Variants in ART3 observed in about 807,000 individuals in gnomAD.
The protein encoded by ART3 is ADP-ribosyltransferase 3 (inactive), also known as ecto-ADP-ribosyltransferase 3.
ART3 carries 49 observed loss-of-function variants against 48.5 expected under a neutral mutation model. The ratio of observed to expected loss-of-function variants is 1.01; its 90% CI spans 0.80 to 1.28. The LOEUF (loss-of-function observed/expected upper bound fraction) is 1.28. Among genes scored for constraint, ART3 ranks in the 50% most tolerant of loss-of-function variants. The pLI is 0.00. For synonymous variants in ART3, 145 were observed against 157.2 expected, an observed-to-expected ratio of 0.92 and a Z score of 0.58; for missense variants, 438 against 454.3, an observed-to-expected ratio of 0.96 and a Z score of 0.33.
At chr4:76,058,786 G>A (rs199692246) in intron 1 of ART3, among the ~76,000 whole-genome samples, 6 of 152,038 alleles carry the variant, frequency 3.9e-5, no homozygotes, top group Non-Finnish European at 8.8e-5. Context: ...ATTGTGGCTT[G>A]TTAAAAGAAA....
At position 76,076,002 on chromosome 4, in the gene ART3, T is replaced by C. The variant is rs750539752; in HGVS notation, c.69+44T>C. 26 of 1,438,328 alleles carry C rather than the reference T, an allele frequency of 1.8e-5. No homozygotes were observed. The Admixed American group carries it at 3.2e-4, about 18-fold the overall frequency. 89.1% of individuals were successfully genotyped at this position (1,438,328 alleles called of 1,614,324 possible). On this transcript the variant is annotated intron_variant, in intron 2 of 11. Transcript: ENST00000355810. Reference sequence around the variant, plus strand: ...AGCATGTGGTCATTGGAATGGAAATTCGTTTTTTTTTTTTTTTGAGACGGA... The same window carrying C: ...AGCATGTGGTCATTGGAATGGAAATCCGTTTTTTTTTTTTTTTGAGACGGA...
intron 3 of ART3, among the ~76,000 whole-genome samples, chr4:76,096,531 G>A (rs568689709): frequency 2.0e-5 from 3 of 152,298 alleles, no homozygotes; most frequent in Non-Finnish European, 4.4e-5. Flanking sequence ...TGTTCGCCAG[G>A]TATGAAGTAG....
At chr4:76,092,399 T>C (rs1725092791) in intron 3 of ART3, among the ~76,000 whole-genome samples, 2 of 152,198 alleles carry the variant, frequency 1.3e-5, no homozygotes, top group African/African-American at 4.8e-5. Flanking sequence ...TCACTGGGTA[T>C]AGAATTCTAG....
chr4:76,107,918 A>G (rs1460964600), intron 11 of ART3, 125 bp downstream of exon 11: 1 of 696,860 alleles, frequency 1.4e-6, no homozygotes, highest in East Asian at 3.0e-5. Context: ...TTAATAACAG[A>G]GTATAATGTC....
intron 3 of ART3, among the ~76,000 whole-genome samples, chr4:76,088,772 A>G (rs921532697): frequency 3.9e-5 from 6 of 152,200 alleles, no homozygotes; most frequent in African/African-American, 1.4e-4. Context: ...ATGTCCCTGA[A>G]TGCTATAGCA....
intron 1 of ART3, chr4:76,021,685 A>T: frequency 1.9e-6 from 1 of 524,464 alleles, no homozygotes; most frequent in East Asian, 3.0e-5. Flanking sequence ...ATAGCACCTC[A>T]GTAGAGCTTA....
At chr4:76,053,468 A>G (rs868217445) in intron 1 of ART3, among the ~76,000 whole-genome samples, 2 of 152,308 alleles carry the variant, frequency 1.3e-5, no homozygotes, top group South Asian at 4.1e-4. Context: ...AAAGCACAGT[A>G]TATAAATATT....
intron 1 of ART3, chr4:76,022,364 A>G: frequency 6.2e-7 from 1 of 1,612,864 alleles, no homozygotes; most frequent in Non-Finnish European, 8.5e-7. Flanking sequence ...CAGCAAACCT[A>G]CCTTTCCTTG....
intron 4 of ART3, 95 bp from the exon 5 acceptor site, chr4:76,098,860 C>A: frequency 9.4e-7 from 1 of 1,059,368 alleles, no homozygotes; most frequent in Non-Finnish European, 1.4e-6. Flanking sequence ...TAAGCCAACA[C>A]AATCTTTATT....
intron 1 of ART3, among the ~76,000 whole-genome samples, chr4:76,053,574 C>A (rs6857372): frequency 6.6e-6 from 1 of 151,920 alleles, no homozygotes; most frequent in Non-Finnish European, 1.5e-5. Flanking sequence ...AATTAACAGT[C>A]GTCAAAGAAA....
chr4:76,013,351 G>A (rs1025470898), intron 1 of ART3, among the ~76,000 whole-genome samples: 2 of 152,164 alleles, frequency 1.3e-5, no homozygotes, highest in Admixed American at 6.5e-5. Context: ...GCAGGAACAA[G>A]ACGATGAAGT....
At chr4:76,098,934 G>T in intron 4 of ART3, 21 bp from the exon 5 acceptor site, 3 of 1,594,814 alleles carry the variant, frequency 1.9e-6, no homozygotes, top group Non-Finnish European at 2.6e-6. Flanking sequence ...ACCATGTAAT[G>T]AAAACATGTC....
intron 2 of ART3, 29 bp downstream of exon 2, chr4:76,075,987 C>T (rs1275862202): frequency 2.4e-6 from 3 of 1,262,964 alleles, no homozygotes; most frequent in Non-Finnish European, 2.3e-6. Context: ...AGCATGTGGT[C>T]ATTGGAATGG....
intron 1 of ART3, among the ~76,000 whole-genome samples, chr4:76,017,921 C>T (rs1434625062): frequency 1.3e-5 from 2 of 152,208 alleles, no homozygotes; most frequent in Non-Finnish European, 2.9e-5. Flanking sequence ...ATGGCCACTG[C>T]CAGGGGAAGG....
chr4:76,079,916 T>A (rs565001433), intron 2 of ART3, among the ~76,000 whole-genome samples: 41 of 148,212 alleles, frequency 2.8e-4, no homozygotes, highest in African/African-American at 6.0e-4. Flanking sequence ...TCTCTCTCTC[T>A]CTCACACACA....
intron 7 of ART3, 62 bp from the exon 8 acceptor site, chr4:76,100,928 A>G (rs1453710550): frequency 1.5e-5 from 24 of 1,605,308 alleles, no homozygotes; most frequent in Admixed American, 5.1e-5. Context: ...TGCTGTAGCT[A>G]TAGTAACTGC....
intron 1 of ART3, among the ~76,000 whole-genome samples, chr4:76,016,410 C>T (rs1274329928): frequency 6.6e-6 from 1 of 152,170 alleles, no homozygotes; most frequent in Non-Finnish European, 1.5e-5. Context: ...CTTAGTTTCT[C>T]CTAAACAAAT....
At chr4:76,040,106 C>G (rs983564548) in intron 1 of ART3, among the ~76,000 whole-genome samples, 9 of 152,180 alleles carry the variant, frequency 5.9e-5, no homozygotes, top group African/African-American at 1.7e-4. Context: ...AGGCGGATCA[C>G]TTGAGGTCAG....
chr4:76,109,233 C>A (rs1560662726), intron 11 of ART3, among the ~76,000 whole-genome samples: 1 of 142,604 alleles, frequency 7.0e-6, no homozygotes, highest in Non-Finnish European at 1.5e-5. Flanking sequence ...TTCTATAAAG[C>A]TTTTTTATCA....
Sources: allele counts gnomAD v4.1 joint callset (sites outside exome capture counted in the v4.1 genomes callset), GRCh38; gene constraint gnomAD v4.1.1; transcripts MANE v1.5; gene names NCBI Gene and HGNC (gene_info 2026-07-23, HGNC 2026-07-21).